Variants in OTULIN observed in about 807,000 individuals in gnomAD.
OTULIN encodes the protein OTU deubiquitinase with linear linkage specificity.
In OTULIN, 15 loss-of-function variants were observed where a neutral mutation model predicts 39.6. The ratio of observed to expected loss-of-function variants is 0.38; its 90% confidence interval spans 0.25 to 0.58. The LOEUF is 0.58. Ranked by LOEUF, OTULIN falls within the 20% of genes least tolerant of loss-of-function variation. OTULIN has a pLI of 0.66. For synonymous variants in OTULIN, 156 were observed against 170.3 expected, an observed-to-expected ratio of 0.92 and a Z score of 0.65; for missense variants, 319 against 445.9, an observed-to-expected ratio of 0.72 and a Z score of 2.56.
chr5:14,679,094 TATAAA>T (rs924766986), intron 3 of OTULIN, among the ~76,000 whole-genome samples: 4 of 152,184 alleles, frequency 2.6e-5, no homozygotes, highest in Non-Finnish European at 2.9e-5. Flanking sequence ...GGTCTGGTGT[TATAAA>T]ATAAAAGCCT....
Position 14,696,441 on chromosome 5 carries a change from A to G in OTULIN, c.*3393A>G, listed in dbSNP as rs1736671150. 6.6e-6 allele frequency: 1 copy of G among 152,232 alleles called. No homozygotes were observed. Among genetic ancestry groups the G allele is most frequent in the Non-Finnish European group, 1.5e-5 (1 of 68,038 alleles). 9.4% of individuals were successfully genotyped at this position (152,232 alleles called of 1,614,324 possible). On this transcript the variant is annotated 3_prime_UTR_variant, in exon 7 of 7. Transcript: ENST00000284274. ...AGTAAAAGAAATGCATTTATGTAAG[A>G]TCTGTGAGTACTTAAAAAGAAAGCC... is the stretch of plus-strand genomic sequence containing the variant.
At chr5:14,686,422 T>A (rs1190613225) in intron 4 of OTULIN, among the ~76,000 whole-genome samples, 1 of 152,152 alleles carries the variant, frequency 6.6e-6, no homozygotes, top group Non-Finnish European at 1.5e-5. Flanking sequence ...TGCCTCAGCC[T>A]CCTGAGTAGC....
At chr5:14,706,233 G>C in the OTULIN span, 1 of 152,160 alleles carries the variant, frequency 6.6e-6, no homozygotes, top group East Asian at 1.9e-4. Flanking sequence ...AAAATTTGCT[G>C]AATCTATGTG....
the OTULIN span, among the ~76,000 whole-genome samples, chr5:14,714,030 A>G: frequency 1.3e-5 from 2 of 152,226 alleles, no homozygotes; most frequent in Admixed American, 1.3e-4. Flanking sequence ...ACTCAGAGAA[A>G]AGTGGCACTC....
At position 14,690,688 on chromosome 5, in the gene OTULIN, A is replaced by T. The variant is rs1183658043; in HGVS notation, c.864+380A>T. Among the ~76,000 whole-genome samples, 1 of 152,190 alleles carries T rather than the reference A, an allele frequency of 6.6e-6. No homozygotes were observed. The highest frequency in any genetic ancestry group is 1.9e-4 in the East Asian group (1 of 5,206). ...CAAGAAAGAAGCCAAAATGCCTTTT[A>T]TGACCTAATCTAGGATGTCACACAC... On this transcript the variant is annotated intron_variant, in intron 6 of 6. Coordinates refer to ENST00000284274, the MANE Select transcript of OTULIN (RefSeq NM_138348.6). The surrounding 1 kb of genome is among the most constrained non-coding windows in gnomAD (Gnocchi z 4.5).
intron 4 of OTULIN, among the ~76,000 whole-genome samples, chr5:14,682,586 G>A (rs2126314904): frequency 6.6e-6 from 1 of 152,264 alleles, no homozygotes; most frequent in Non-Finnish European, 1.5e-5. Context: ...TGCTAGCCGT[G>A]GGAGATTGGC....
downstream of OTULIN, among the ~76,000 whole-genome samples, chr5:14,702,084 G>A (rs1279781861): frequency 3.9e-5 from 6 of 152,162 alleles, no homozygotes; most frequent in Admixed American, 3.9e-4. Context: ...CCCCTGAGCC[G>A]AGCTGCTGGG....
chr5:14,693,052 A>T lies in OTULIN; in HGVS notation c.*4A>T, dbSNP rs768234487. The T allele has an allele frequency of 2.5e-6, 4 of 1,598,576 alleles. No homozygotes were observed. The Admixed American group carries it at 6.8e-5, about 27-fold the overall frequency. ...GTGTGAGGAGACCAGTCTATGAGAG[A>T]CGCATGCTCCTGACAGCCTGGCGAC... is the stretch of plus-strand genomic sequence containing the variant. On this transcript the variant is annotated 3_prime_UTR_variant, in exon 7 of 7. Transcript: ENST00000284274.
At chr5:14,689,743 C>G (rs1736476528) in intron 5 of OTULIN, among the ~76,000 whole-genome samples, 1 of 152,176 alleles carries the variant, frequency 6.6e-6, no homozygotes, top group Non-Finnish European at 1.5e-5. Context: ...CCATAAGTGT[C>G]TCTGATTGGC....
the OTULIN span, chr5:14,707,145 A>G: frequency 6.6e-6 from 1 of 152,252 alleles, no homozygotes. Flanking sequence ...TAACCGGCAC[A>G]TGCTGTCCTG....
intron 5 of OTULIN, 108 bp from the exon 6 acceptor site, chr5:14,689,931 A>C: frequency 8.7e-7 from 1 of 1,146,254 alleles, no homozygotes; most frequent in Non-Finnish European, 1.2e-6. Context: ...AGCATTGGTA[A>C]GTGACCCATG....
In OTULIN at chr5:14,664,932, C is replaced by A; in HGVS notation, c.107C>A (p.Ala36Glu). ...AATARDGGKA[A>E]ASGQPRPEMQ... ...ACGGCGCGGGACGGCGGGAAGGCGG[C>A]GGCCAGCGGGCAGCCGCGGCCCGAG... Residue 36 changes from alanine (A) to glutamate (E), a missense_variant, in exon 1 of 7, where the codon GCG (alanine) becomes GAG (glutamate). Ala to Glu is a moderately radical substitution (Grantham distance 107, BLOSUM62 -1). This residue lies in a region of OTULIN where 132 missense variants were observed against 143.7 expected (regional missense o/e 0.92). Transcript: ENST00000284274. 8.6e-7 allele frequency: 1 copy of A among 1,159,274 alleles called. No individual in the cohort carries two copies. The highest frequency in any genetic ancestry group is 1.1e-6 in the Non-Finnish European group (1 of 942,036). 71.8% of individuals were successfully genotyped at this position (1,159,274 alleles called of 1,614,324 possible).
rs78486128 is a variant in OTULIN, at chr5:14,690,558, G to A, written c.864+250G>A. ...GGCAGGAGGCTTCAGTTCCTTACTG[G>A]TAGTTAGTAGGAGGGTTCAGTTCTT... On this transcript the variant is annotated intron_variant, in intron 6 of 6. Transcript: ENST00000284274. This position sits in a 1 kb window ranked among gnomAD's most constrained non-coding sequence, Gnocchi z 4.5. Among the ~76,000 whole-genome samples the A allele has an allele frequency of 0.046, 6,972 of 152,216 alleles. 255 individuals carry two copies. The highest frequency in any genetic ancestry group is 0.067 in the Non-Finnish European group (4,568 of 67,998).
rs1278839495 is a variant in OTULIN at position 14,664,848 on chromosome 5, A to G, written c.23A>G (p.Gln8Arg). The G allele has an allele frequency of 6.6e-6, 8 of 1,214,366 alleles. No homozygotes were observed. The highest frequency in any genetic ancestry group is 8.2e-6 in the Non-Finnish European group (8 of 975,832). 75.2% of individuals were successfully genotyped at this position (1,214,366 alleles called of 1,614,324 possible). A position where few individuals can be genotyped will look rare whatever the true frequency, so the allele number is the denominator to read the frequency against. Residue 8 changes from glutamine to arginine, a missense_variant, in exon 1 of 7, where the codon CAG (glutamine) becomes CGG (arginine). By Grantham distance (43) the Gln-to-Arg change is conservative (BLOSUM62 1). Coordinates refer to ENST00000284274, the MANE Select transcript of OTULIN (RefSeq NM_138348.6). ...CGCATGAGTCGGGGGACTATGCCCC[A>G]GCCCGAAGCGTGGCCAGGCGCGAGC... Reference protein sequence around the residue: MSRGTMPQPEAWPGASCA... With the variant: MSRGTMPRPEAWPGASCA...
chr5:14,672,661 G>A (rs936516816), intron 1 of OTULIN, among the ~76,000 whole-genome samples: 4 of 152,116 alleles, frequency 2.6e-5, no homozygotes, highest in Non-Finnish European at 5.9e-5. Context: ...TGCTCAGTGT[G>A]TTACTCATGC....
chr5:14,711,813 G>GTTCT, the OTULIN span, among the ~76,000 whole-genome samples: 2 of 152,188 alleles, frequency 1.3e-5, no homozygotes, highest in African/African-American at 4.8e-5. Flanking sequence ...CATGTTGCCT[G>GTTCT]TTCTTACAAT....
At chr5:14,709,905 A>ATATC in the OTULIN span, 5 of 152,592 alleles carry the variant, frequency 3.3e-5, no homozygotes, top group African/African-American at 4.8e-5. Context: ...GCATATATTT[A>ATATC]TATCTTTAAA....
chr5:14,678,803 G>A, intron 3 of OTULIN, 28 bp downstream of exon 3: 1 of 1,472,164 alleles, frequency 6.8e-7, no homozygotes, highest in Non-Finnish European at 9.3e-7. Context: ...ACATATTTCA[G>A]GTCTTTCAAA....
At chr5:14,685,659 C>G (rs150968446) in intron 4 of OTULIN, among the ~76,000 whole-genome samples, 1 of 152,274 alleles carries the variant, frequency 6.6e-6, no homozygotes, top group African/African-American at 2.4e-5. Flanking sequence ...ACAATTGTTT[C>G]TCTCTGTGTA....
Sources: gnomAD v4.1 joint callset for allele counts (sites outside exome capture counted in the v4.1 genomes callset) on GRCh38, gnomAD v4.1.1 for gene constraint, gnomAD v4.1.1 regional missense constraint, Gnocchi (gnomAD v3.1) non-coding constraint, MANE v1.5 for transcripts, NCBI Gene and HGNC (gene_info 2026-07-23, HGNC 2026-07-21) for gene names.